Variants in NDUFAF6 observed in about 807,000 individuals in gnomAD.
The protein encoded by NDUFAF6 is NADH:ubiquinone oxidoreductase complex assembly factor 6.
Under a neutral mutation model 40.8 loss-of-function variants are expected in NDUFAF6, and 45 were observed. The observed-to-expected ratio is 1.10, with a 90% CI of 0.87 to 1.42. NDUFAF6 has a LOEUF of 1.42. NDUFAF6 is among the 40% of genes most tolerant of loss of function. The probability of loss-of-function intolerance (pLI) is 0.00; values close to 1 mark genes in which losing one functional copy is unlikely to be tolerated. For synonymous variants in NDUFAF6, 185 were observed against 155.9 expected (o/e 1.19, Z -1.39); for missense variants, 435 against 418.5 (o/e 1.04, Z -0.34).
At chr8:94,970,587 A>G (rs1174336470) in intron 1 of NDUFAF6, among the ~76,000 whole-genome samples, 1 of 148,530 alleles carries the variant, frequency 6.7e-6, no homozygotes, top group Non-Finnish European at 1.5e-5. Context: ...TCCCATCTCT[A>G]AAAAAAAATT....
intron 1 of NDUFAF6, among the ~76,000 whole-genome samples, chr8:94,933,688 C>G (rs2924473): frequency 6.6e-6 from 1 of 151,872 alleles, no homozygotes; most frequent in Non-Finnish European, 1.5e-5. Flanking sequence ...TTGCTTGAAT[C>G]TGGGAGGCAG....
At chr8:95,101,840 C>T (rs1809660381) in intron 2 of NDUFAF6, among the ~76,000 whole-genome samples, 4 of 152,146 alleles carry the variant, frequency 2.6e-5, no homozygotes, top group Admixed American at 2.0e-4. Context: ...CTGAAAAGTG[C>T]AGAGGAAGAG....
intron 2 of NDUFAF6, among the ~76,000 whole-genome samples, chr8:95,002,984 C>T (rs1826803175): frequency 1.3e-5 from 2 of 152,202 alleles, no homozygotes; most frequent in Admixed American, 1.3e-4. Flanking sequence ...CAACTTCTGG[C>T]TTACATCATC....
rs1829531751 is a variant in NDUFAF6 at position 95,036,582 on chromosome 8, C to T, written c.420+1006C>T. ...CTCACTAAAAAGTTTTCCTAAAATC[C>T]AGAAACCCTTTCTATTTATTACTTT... On this transcript the variant is annotated intron_variant, in intron 3 of 8. Coordinates refer to ENST00000396124, the MANE Select transcript of NDUFAF6 (RefSeq NM_152416.4). The T allele has an allele frequency of 4.6e-6, 5 of 1,076,890 alleles. No homozygotes were observed. In the South Asian group the frequency reaches 7.8e-5, roughly 17 times the overall value. The allele number at this position is 1,076,890 out of a possible 1,614,324, so 66.7% of individuals were successfully genotyped here.
At chr8:95,046,036 A>ATTTTATTTTTTTTTTT (rs1554676278) in intron 5 of NDUFAF6, among the ~76,000 whole-genome samples, 20 of 150,862 alleles carry the variant, frequency 1.3e-4, no homozygotes, top group African/African-American at 4.9e-4. Flanking sequence ...AAACACATTT[A>ATTTTATTTTTTTTTTT]TTTTATTTTA....
chr8:95,017,281 A>C (rs1278683166), intron 2 of NDUFAF6, among the ~76,000 whole-genome samples: 1 of 151,972 alleles, frequency 6.6e-6, no homozygotes, highest in Non-Finnish European at 1.5e-5. Flanking sequence ...CAAAGGGATG[A>C]GGAGACTGAA....
intron 2 of NDUFAF6, among the ~76,000 whole-genome samples, chr8:94,985,517 T>A (rs7386701): frequency 0.019 from 223 of 11,662 alleles, no homozygotes; most frequent in Non-Finnish European, 0.027. Flanking sequence ...ATATATATAT[T>A]TTTTTTTTTT....
At chr8:95,078,003 C>T (rs1055567789), downstream of NDUFAF6, among the ~76,000 whole-genome samples, 14 of 151,884 alleles carry the variant, frequency 9.2e-5, no homozygotes, top group Admixed American at 2.6e-4. Context: ...CTGAGAGCCG[C>T]GGAAGGAAGG....
chr8:95,031,821 G>A (rs1484487346), intron 1 of NDUFAF6, among the ~76,000 whole-genome samples, 174 bp from the exon 2 acceptor site: 1 of 148,548 alleles, frequency 6.7e-6, no homozygotes, highest in African/African-American at 2.6e-5. Flanking sequence ...GGCTGGTCTC[G>A]AACTCCTGGC....
chr8:94,949,920 C>G (rs1586772975), intron 2 of NDUFAF6: 2 of 152,446 alleles, frequency 1.3e-5, no homozygotes, highest in Admixed American at 1.3e-4. Flanking sequence ...GGGGCCGCTG[C>G]TGGGCCCCAG....
intron 1 of NDUFAF6, among the ~76,000 whole-genome samples, chr8:94,959,375 G>A (rs761971475): frequency 6.6e-6 from 1 of 152,124 alleles, no homozygotes; most frequent in Non-Finnish European, 1.5e-5. Flanking sequence ...GAGGAAGGAG[G>A]TCAATGGGTT....
upstream of NDUFAF6, among the ~76,000 whole-genome samples, chr8:95,022,298 T>C (rs563617926): frequency 1.3e-5 from 2 of 151,610 alleles, no homozygotes; most frequent in East Asian, 3.9e-4. Context: ...TAAACAAGAA[T>C]GGCCAGGAAG....
intron 2 of NDUFAF6, chr8:94,984,115 C>A (rs565584953): frequency 1.3e-5 from 2 of 152,296 alleles, no homozygotes; most frequent in South Asian, 2.1e-4. Context: ...AAGCTCCTTA[C>A]GTGCAGAAGC....
chr8:95,029,181 AAATATTGTT>A (rs538951809), intron 1 of NDUFAF6, among the ~76,000 whole-genome samples: 1 of 152,324 alleles, frequency 6.6e-6, no homozygotes, highest in East Asian at 1.9e-4. Flanking sequence ...GACTCATATT[AAATATTGTT>A]TTATAAGAAG....
chr8:95,016,666 C>T (rs1420171558), intron 2 of NDUFAF6, among the ~76,000 whole-genome samples: 3 of 152,106 alleles, frequency 2.0e-5, no homozygotes, highest in Admixed American at 6.6e-5. Flanking sequence ...CACTTGAACC[C>T]GGCAGGTGGA....
At chr8:95,014,560 A>G (rs1827362559) in intron 2 of NDUFAF6, among the ~76,000 whole-genome samples, 1 of 152,182 alleles carries the variant, frequency 6.6e-6, no homozygotes, top group African/African-American at 2.4e-5. Context: ...TCACAAGTAG[A>G]GAATTCAGTT....
At chr8:95,055,101 G>A (rs909583539) in intron 8 of NDUFAF6, 3 of 152,056 alleles carry the variant, frequency 2.0e-5, no homozygotes. Context: ...TAATTTTGAG[G>A]TCACATTTCC....
chr8:94,915,048 T>C (rs1819036493), intron 1 of NDUFAF6, among the ~76,000 whole-genome samples: 1 of 152,154 alleles, frequency 6.6e-6, no homozygotes, highest in Non-Finnish European at 1.5e-5. Context: ...CAATAGGTCA[T>C]TTTGCAACAC....
At chr8:95,015,237 G>T (rs1355719180) in intron 2 of NDUFAF6, among the ~76,000 whole-genome samples, 2 of 152,164 alleles carry the variant, frequency 1.3e-5, no homozygotes. Flanking sequence ...GCCATACAGA[G>T]TGGTTCTTGG....
Sources: allele counts gnomAD v4.1 joint callset (sites outside exome capture counted in the v4.1 genomes callset), GRCh38; gene constraint gnomAD v4.1.1; transcripts MANE v1.5; gene names NCBI Gene and HGNC (gene_info 2026-07-23, HGNC 2026-07-21).